Variants in IPO9 observed in about 807,000 individuals in gnomAD.
IPO9 encodes the protein importin 9, also known as importin-9.
In IPO9, 28 loss-of-function variants were observed where a neutral mutation model predicts 128.6. The ratio of observed to expected loss-of-function variants is 0.22; its 90% confidence interval spans 0.16 to 0.30. The LOEUF is 0.30. Ranked by LOEUF, IPO9 falls within the 10% of genes least tolerant of loss-of-function variation. The pLI, the probability that IPO9 is intolerant of heterozygous loss-of-function variation, is 1.00. For missense variants in IPO9, 935 were observed against 1,293.9 expected, an observed-to-expected ratio of 0.72 and a Z score of 4.26; for synonymous variants, 455 against 475.8, an observed-to-expected ratio of 0.96 and a Z score of 0.57.
Position 201,865,360 on chromosome 1 carries a change from C to T in IPO9, c.1629-1373C>T, listed in dbSNP as rs947932602. 4.6e-5 allele frequency among the ~76,000 whole-genome samples: 7 copies of T among 152,216 alleles called. No individual in the cohort carries two copies. The East Asian group carries it at 7.7e-4, about 17-fold the overall frequency. Reference sequence around the variant, plus strand: ...AGCAGCTGGGATTACAGGCATGTGCCACCACACCCAGCTAATTTTGTATTT... The same window carrying T: ...AGCAGCTGGGATTACAGGCATGTGCTACCACACCCAGCTAATTTTGTATTT... On this transcript the variant is annotated intron_variant, in intron 14 of 23. Transcript: ENST00000361565.
chr1:201,855,254 G>A (rs1431259470), intron 9 of IPO9, 72 bp downstream of exon 9: 17 of 931,848 alleles, frequency 1.8e-5, no homozygotes, highest in Admixed American at 3.9e-5. Flanking sequence ...AGATGGGGGC[G>A]GGAAACAGTA....
chr1:201,854,645 C>T lies in IPO9; in HGVS notation c.741C>T (p.Ala247=), dbSNP rs777555610. 1.9e-6 allele frequency: 3 copies of T among 1,614,172 alleles called. No homozygotes were observed. Among genetic ancestry groups the T allele is most frequent in the Non-Finnish European group, 1.7e-6 (2 of 1,180,034 alleles). ...IFPVVQQFTE[A]FVQALQIPDG... ...CCGTGGTACAGCAGTTCACAGAGGC[C>T]TTTGTTCAGGCCCTCCAGATACCAG... Residue 247 remains alanine (A), a synonymous_variant, in exon 7 of 24, where the codon GCC becomes GCT. Coordinates refer to ENST00000361565, the MANE Select transcript of IPO9 (RefSeq NM_018085.5).
At chr1:201,847,895 A>G (rs953284735) in intron 3 of IPO9, among the ~76,000 whole-genome samples, 3 of 152,218 alleles carry the variant, frequency 2.0e-5, no homozygotes, top group Non-Finnish European at 4.4e-5. Flanking sequence ...TCAATTTCCT[A>G]AATCTCCAAA....
chr1:201,845,433 C>G (rs1026429815), intron 1 of IPO9, among the ~76,000 whole-genome samples: 1 of 152,224 alleles, frequency 6.6e-6, no homozygotes, highest in African/African-American at 2.4e-5. Flanking sequence ...CTCTTAATCA[C>G]ACCAATCCAT....
chr1:201,855,066 C>T, intron 8 of IPO9, 58 bp from the exon 9 acceptor site: 1 of 1,328,294 alleles, frequency 7.5e-7, no homozygotes, highest in Non-Finnish European at 1.1e-6. Flanking sequence ...TGTAACATTT[C>T]CATGTAGATT....
chr1:201,834,535 C>T (rs1449508240), intron 1 of IPO9, among the ~76,000 whole-genome samples: 1 of 152,080 alleles, frequency 6.6e-6, no homozygotes, highest in African/African-American at 2.4e-5. Flanking sequence ...ACTTCTTTCT[C>T]TACTTTTCCT....
At chr1:201,848,740 C>G in intron 4 of IPO9, 146 bp downstream of exon 4, 1 of 756,726 alleles carries the variant, frequency 1.3e-6, no homozygotes, top group African/African-American at 1.8e-5. Context: ...CTCCATCTAC[C>G]CTCCAGCTCT....
chr1:201,842,812 C>A (rs569169556), intron 1 of IPO9, among the ~76,000 whole-genome samples: 1 of 152,130 alleles, frequency 6.6e-6, no homozygotes, highest in African/African-American at 2.4e-5. Flanking sequence ...TGGCAGGCTT[C>A]CTTTCATTCT....
intron 13 of IPO9, among the ~76,000 whole-genome samples, chr1:201,859,205 A>G (rs944189903): frequency 1.4e-5 from 2 of 144,530 alleles, no homozygotes; most frequent in African/African-American, 5.1e-5. Flanking sequence ...ATATATATAT[A>G]TAAAGGAAAC....
At chr1:201,850,396 C>T (rs1184081798) in intron 4 of IPO9, 1 of 152,176 alleles carries the variant, frequency 6.6e-6, no homozygotes, top group Non-Finnish European at 1.5e-5. Flanking sequence ...TTTCAAGATA[C>T]TATACCAGTT....
At chr1:201,846,732 C>T (rs1680130087) in intron 1 of IPO9, among the ~76,000 whole-genome samples, 2 of 152,164 alleles carry the variant, frequency 1.3e-5, no homozygotes, top group African/African-American at 4.8e-5. Context: ...TACAATGGTG[C>T]GATCTCAGCT....
Position 201,857,815 on chromosome 1 carries a change from A to G in IPO9, c.1221+621A>G, listed in dbSNP as rs1680362251. Among the ~76,000 whole-genome samples the G allele has an allele frequency of 2.0e-5, 3 of 149,378 alleles. No individual in the cohort carries two copies. The South Asian group carries it at 6.4e-4, about 32-fold the overall frequency. ...GGTCTCAAAAAAAAAAAAAAAAGCC[A>G]TTTCAGTTTAATTCACTCTTCAACA... On this transcript the variant is annotated intron_variant, in intron 11 of 23. Coordinates refer to ENST00000361565, the MANE Select transcript of IPO9 (RefSeq NM_018085.5).
Position 201,866,886 on chromosome 1 carries a change from C to T in IPO9, c.1782C>T (p.Asp594=). The T allele has an allele frequency of 2.5e-6, 4 of 1,614,116 alleles. No homozygotes were observed. Among genetic ancestry groups the T allele is most frequent in the Non-Finnish European group, 2.5e-6 (3 of 1,180,042 alleles). Residue 594 remains aspartate (D), a synonymous_variant, in exon 15 of 24, where the codon GAC becomes GAT. Coordinates refer to ENST00000361565, the MANE Select transcript of IPO9 (RefSeq NM_018085.5). ...CCCTGTGCATCGTTTGTACAGTAGACCCCGAATTCACAGCAAGCATGGAAA... is the reference window on the plus strand; with the variant it reads ...CCCTGTGCATCGTTTGTACAGTAGATCCCGAATTCACAGCAAGCATGGAAA... ...METLCIVCTV[D]PEFTASMESK...
intron 20 of IPO9, among the ~76,000 whole-genome samples, chr1:201,873,215 C>T (rs561310246): frequency 1.3e-5 from 2 of 151,324 alleles, no homozygotes; most frequent in East Asian, 2.0e-4. Context: ...GAGGCCAGAG[C>T]GGATGGATCA....
intron 1 of IPO9, among the ~76,000 whole-genome samples, chr1:201,844,117 A>C (rs1436213047): frequency 6.6e-6 from 1 of 152,152 alleles, no homozygotes; most frequent in Non-Finnish European, 1.5e-5. Flanking sequence ...AAAATGTCAA[A>C]ATATTTCTCC....
In IPO9 at chr1:201,847,641, A is replaced by AAGTC. The variant is rs1680145814; in HGVS notation, c.312+7_312+10dup. ...GGCCTCCTGAAACTACAGAAAGGGT[A>AAGTC]AGTCAGTTACTTGATTAGTCTACCT... On this transcript the variant is annotated splice_donor_region_variant and intron_variant, in intron 3 of 23. Coordinates refer to ENST00000361565, the MANE Select transcript of IPO9 (RefSeq NM_018085.5). The AAGTC allele has an allele frequency of 1.2e-6, 2 of 1,603,262 alleles. No homozygotes were observed. The highest frequency in any genetic ancestry group is 1.7e-6 in the Non-Finnish European group (2 of 1,170,228).
At chr1:201,859,751 G>A (rs1434101716) in intron 13 of IPO9, among the ~76,000 whole-genome samples, 1 of 152,140 alleles carries the variant, frequency 6.6e-6, no homozygotes, top group African/African-American at 2.4e-5. Context: ...CCTGAGGTCA[G>A]GAGTTCAAGA....
At chr1:201,863,117 G>A (rs549026154) in intron 13 of IPO9, among the ~76,000 whole-genome samples, 131 of 152,168 alleles carry the variant, frequency 8.6e-4, no homozygotes, top group Admixed American at 1.6e-3. Flanking sequence ...TTGGGAGGCC[G>A]AGGCAGACAG....
Position 201,854,672 on chromosome 1 carries a change from T to G in IPO9, c.768T>G (p.Asp256Glu). 6.2e-7 allele frequency: 1 copy of G among 1,614,200 alleles called. No individual in the cohort carries two copies. The highest frequency in any genetic ancestry group is 1.7e-4 in the Middle Eastern group (1 of 6,058). Residue 256 changes from aspartate (D) to glutamate (E), a missense_variant, in exon 7 of 24, where the codon GAT (aspartate) becomes GAG (glutamate). Asp to Glu is a conservative substitution (Grantham distance 45). Transcript: ENST00000361565. ...EAFVQALQIP[D>E]GPTSDSGFKM... ...TTGTTCAGGCCCTCCAGATACCAGA[T>G]GGCCCCACATCTGACAGTGGGTTTA...
Sources: gnomAD v4.1 joint callset for allele counts (sites outside exome capture counted in the v4.1 genomes callset) on GRCh38, gnomAD v4.1.1 for gene constraint, MANE v1.5 for transcripts, NCBI Gene and HGNC (gene_info 2026-07-23, HGNC 2026-07-21) for gene names.